The following ZP2 variants were observed in gnomAD, a reference collection of about 807,000 sequenced individuals.
The protein encoded by ZP2 is zona pellucida sperm-binding protein 2.
ZP2 carries 51 observed loss-of-function variants against 84.0 expected under a neutral mutation model. The observed-to-expected ratio is 0.61, with a 90% CI of 0.49 to 0.77. The LOEUF is 0.77. Ranked by LOEUF, ZP2 falls within the 30% of genes least tolerant of loss-of-function variation. The pLI is 0.00. For missense variants in ZP2, 909 were observed against 911.9 expected, an observed-to-expected ratio of 1.00 and a Z score of 0.04; for synonymous variants, 375 against 330.9, an observed-to-expected ratio of 1.13 and a Z score of -1.45.
chr16:21,211,883 T>C, upstream of ZP2: 1 of 897,108 alleles, frequency 1.1e-6, no homozygotes. Context: ...CCAAAGAGAA[T>C]CATGGGCTTT....
In ZP2 at chr16:21,206,928, A is replaced by G. The variant is rs2093252604; in HGVS notation, c.393T>C (p.Ala131=). The change falls in exon 5 of 19, where the codon GCT becomes GCC. Residue 131 remains alanine, a synonymous_variant. Coordinates refer to ENST00000574091, the MANE Select transcript of ZP2 (RefSeq NM_001376232.1). ...MNNSAALRHG[A]VMYQFFCPAM... is the part of the protein sequence containing the mutation. ...CTGGACAGAAGAACTGATACATGACAGCTCCGTGTCTTAAGGCAGCACTGT... is the reference window on the plus strand; with the variant it reads ...CTGGACAGAAGAACTGATACATGACGGCTCCGTGTCTTAAGGCAGCACTGT... 1 of 1,614,034 alleles carries G rather than the reference A, an allele frequency of 6.2e-7. No individual in the cohort carries two copies.
At position 21,197,780 on chromosome 16, in the gene ZP2, T is replaced by G. The variant is rs1180009803; in HGVS notation, c.2081A>C (p.Glu694Ala). The G allele has an allele frequency of 6.2e-7, 1 of 1,614,100 alleles. No homozygotes were observed. Among genetic ancestry groups the G allele is most frequent in the East Asian group, 2.2e-5 (1 of 44,886 alleles). The change falls in exon 18 of 19, where the codon GAG becomes GCG. Residue 694 changes from glutamate to alanine, a missense_variant. Coordinates refer to ENST00000574091, the MANE Select transcript of ZP2 (RefSeq NM_001376232.1). ...GEKSRSETGE[E>A]VGSRGAMDTK... ...AATAAACTTACCTCGTGAGCCAACC[T>G]CCTCCCCTGTTTCACTCCTACTCTT...
At chr16:21,197,921 T>TG in intron 17 of ZP2, 72 bp from the exon 18 acceptor site, 1 of 1,444,836 alleles carries the variant, frequency 6.9e-7, no homozygotes, top group Non-Finnish European at 9.7e-7. Context: ...CCTGAGGGTG[T>TG]GATCCCACAG....
At chr16:21,209,435 C>T (rs1343337567) in intron 4 of ZP2, among the ~76,000 whole-genome samples, 196 bp downstream of exon 4, 1 of 152,170 alleles carries the variant, frequency 6.6e-6, no homozygotes. Flanking sequence ...TCCTAAAGTG[C>T]AGAGATTATA....
At chr16:21,207,117 C>T (rs925852077) in intron 4 of ZP2, 127 bp from the exon 5 acceptor site, 3 of 1,099,470 alleles carry the variant, frequency 2.7e-6, no homozygotes, top group East Asian at 2.4e-5. Flanking sequence ...TGGAAGGTAC[C>T]TCATTCCCGT....
At position 21,201,825 on chromosome 16, in the gene ZP2, G is replaced by A. The variant is rs374388107; in HGVS notation, c.1385C>T (p.Thr462Ile). The change falls in exon 13 of 19, where the codon ACA becomes ATA. Residue 462 changes from threonine (T) to isoleucine (I), a missense_variant. Coordinates refer to ENST00000574091, the MANE Select transcript of ZP2 (RefSeq NM_001376232.1). ...KISRDSEFRMTVKCSYSRNDM... is the reference protein window; with the variant it reads ...KISRDSEFRMIVKCSYSRNDM... ...ATTCCTGCTATAAGAACACTTCACT[G>A]TCATTCTGTAAGAGTTTGGAGGGAA... 45 of 1,614,108 alleles carry A rather than the reference G, an allele frequency of 2.8e-5. 1 individual carries two copies. The African/African-American group carries it at 4.5e-4, about 16-fold the overall frequency.
At chr16:21,209,200 C>T (rs1348919972) in intron 4 of ZP2, among the ~76,000 whole-genome samples, 1 of 152,132 alleles carries the variant, frequency 6.6e-6, no homozygotes, top group Non-Finnish European at 1.5e-5. Context: ...CAGTTTTGCT[C>T]TTGTTGCCCA....
At chr16:21,210,279 G>GA in intron 2 of ZP2, 87 bp from the exon 3 acceptor site, 1 of 1,067,828 alleles carries the variant, frequency 9.4e-7, no homozygotes, top group Non-Finnish European at 1.4e-6. Flanking sequence ...CAGATGGGAG[G>GA]GATTCCAGAT....
intron 4 of ZP2, 53 bp downstream of exon 4, chr16:21,209,578 A>G: frequency 1.3e-6 from 2 of 1,552,290 alleles, no homozygotes; most frequent in Non-Finnish European, 1.8e-6. Context: ...TACTGCCAGT[A>G]ACTCTTAGGT....
At chr16:21,205,339 G>A (rs1003206443) in intron 7 of ZP2, 81 bp downstream of exon 7, 1 of 1,517,402 alleles carries the variant, frequency 6.6e-7, no homozygotes, top group Non-Finnish European at 9.0e-7. Flanking sequence ...AAATTAATGT[G>A]AAGACATGGT....
At chr16:21,211,821 A>C, upstream of ZP2, 1 of 1,375,734 alleles carries the variant, frequency 7.3e-7, no homozygotes, top group Non-Finnish European at 9.4e-7. Flanking sequence ...CCCTATAACT[A>C]TGGGGGAAAT....
rs904170634 is a variant in ZP2 at position 21,211,472 on chromosome 16, C to T, written c.62+14G>A. ...GCTACCATACCCCCTCCCTCCACTT[C>T]CAGAATTACTCACCTCCAGCCTGCA... On this transcript the variant is annotated intron_variant, in intron 1 of 18. Transcript: ENST00000574091. The T allele has an allele frequency of 1.6e-5, 26 of 1,613,942 alleles. No homozygotes were observed. The highest frequency in any genetic ancestry group is 2.2e-5 in the Non-Finnish European group (26 of 1,179,972).
intron 4 of ZP2, among the ~76,000 whole-genome samples, chr16:21,207,540 C>A (rs2093255333): frequency 6.6e-6 from 1 of 152,028 alleles, no homozygotes; most frequent in Admixed American, 6.6e-5. Flanking sequence ...AACTCCAGCA[C>A]TTTGGGAGGC....
intron 9 of ZP2, 143 bp from the exon 10 acceptor site, chr16:21,203,394 C>T (rs1310677294): frequency 1.9e-6 from 2 of 1,054,458 alleles, no homozygotes; most frequent in Non-Finnish European, 2.7e-6. Flanking sequence ...ACAAGAGAGA[C>T]CCTATCACTT....
chr16:21,201,528 T>A lies in ZP2; in HGVS notation c.1535A>T (p.Asn512Ile). 6.2e-7 allele frequency: 1 copy of A among 1,611,190 alleles called. No homozygotes were observed. Among genetic ancestry groups the A allele is most frequent in the Non-Finnish European group, 8.5e-7 (1 of 1,178,650 alleles). The change falls in exon 14 of 19, where the codon AAC (asparagine) becomes ATC (isoleucine). Residue 512 changes from asparagine (N) to isoleucine (I), a missense_variant. Physicochemically the swap from Asn to Ile is moderately radical, Grantham distance 149 (BLOSUM62 -3). Transcript: ENST00000574091. ...DNSYQQPYGE[N>I]EYPLVRFLRQ... is the part of the protein sequence containing the mutation. ...GAGGAATCTCACTAGAGGGTACTCG[T>A]TTTCCCCATAAGGTTGTTGGTAGGA...
Position 21,209,417 on chromosome 16 carries a change from T to C in ZP2, c.330+214A>G, listed in dbSNP as rs371169992. On this transcript the variant is annotated intron_variant, in intron 4 of 18. Transcript: ENST00000574091. ...CTTCTGACCTCAGGTGATCCACCCGTCTCAGCCTCCTAAAGTGCAGAGATT... is the reference window on the plus strand; with the variant it reads ...CTTCTGACCTCAGGTGATCCACCCGCCTCAGCCTCCTAAAGTGCAGAGATT... Among the ~76,000 whole-genome samples the C allele has an allele frequency of 2.0e-5, 3 of 152,244 alleles. No homozygotes were observed. The South Asian group carries it at 6.2e-4, about 32-fold the overall frequency.
chr16:21,202,167 C>T lies in ZP2; in HGVS notation c.1224G>A (p.Glu408=), dbSNP rs143091073. ...ACCGTACCAGCCCCTGAGACTGAGC[C>T]TCAAAGACAGGCTGGCAGGATGAGT... ...VGNSSCQPVF[E]AQSQGLVRFH... Residue 408 remains glutamate (E), a synonymous_variant, in exon 11 of 19, where the codon GAG becomes GAA. Coordinates refer to ENST00000574091, the MANE Select transcript of ZP2 (RefSeq NM_001376232.1). The T allele has an allele frequency of 2.4e-5, 39 of 1,603,130 alleles. No homozygotes were observed. In the Admixed American group the frequency reaches 4.8e-4, roughly 20 times the overall value.
At chr16:21,207,703 G>A (rs1407922385) in intron 4 of ZP2, among the ~76,000 whole-genome samples, 1 of 151,310 alleles carries the variant, frequency 6.6e-6, no homozygotes, top group Non-Finnish European at 1.5e-5. Flanking sequence ...GCTGGGTGTG[G>A]TGGTATATGC....
At chr16:21,206,037 G>A (rs2242552) in intron 5 of ZP2, 70,830 of 484,904 alleles carry the variant, frequency 0.15, 5,618 homozygotes, top group East Asian at 0.18. Flanking sequence ...TTCGCTCATC[G>A]CCCAGGCTGG....
Sources: gnomAD v4.1 joint callset for allele counts (sites outside exome capture counted in the v4.1 genomes callset) on GRCh38, gnomAD v4.1.1 for gene constraint, MANE v1.5 for transcripts, NCBI Gene and HGNC (gene_info 2026-07-23, HGNC 2026-07-21) for gene names.